SHPRH: variants seen among roughly 807,000 people sequenced by gnomAD.
SHPRH encodes E3 ubiquitin-protein ligase SHPRH.
A neutral mutation model predicts 202.5 loss-of-function variants in SHPRH; 106 were observed. That is an observed-to-expected ratio of 0.52 (90% CI 0.45 to 0.62). The LOEUF (loss-of-function observed/expected upper bound fraction) is 0.62, where lower values mean the gene tolerates loss of function less well. SHPRH is among the 20% of genes least tolerant of loss of function. The pLI is 0.00. For synonymous variants in SHPRH, 729 were observed against 686.0 expected (o/e 1.06, Z -0.98); for missense variants, 1,710 against 2,020.0 (o/e 0.85, Z 2.94).
At chr6:145,954,598 G>T in intron 2 of SHPRH, 92 bp downstream of exon 2, 14 of 1,338,320 alleles carry the variant, frequency 1.0e-5, no homozygotes, top group Non-Finnish European at 1.2e-5. Context: ...AAGGCTTATT[G>T]CTGGCTTTTC....
chr6:145,950,340 A>G lies in SHPRH; in HGVS notation c.906T>C (p.Pro302=), dbSNP rs6900607. Reference sequence around the variant, plus strand: ...CCTCTCTTTGGTAGGGTCTCAACACAGGGATCAATGCAGGATGCTGGACAT... The same window carrying G: ...CCTCTCTTTGGTAGGGTCTCAACACGGGGATCAATGCAGGATGCTGGACAT... ...QVDVQHPALI[P]VLRPYQREAV... Residue 302 remains proline, a synonymous_variant, in exon 4 of 30, where the codon CCT becomes CCC. Transcript: ENST00000275233. The G allele has an allele frequency of 0.016, 25,313 of 1,613,110 alleles. 3,133 individuals carry two copies. The African/African-American group carries it at 0.28, about 18-fold the overall frequency.
chr6:145,864,461 A>G (rs1779680636), exon 3 of SHPRH: 1 of 317,688 alleles, frequency 3.1e-6, no homozygotes. Context: ...TGATGTCATG[A>G]AAACAAAATA....
downstream of SHPRH, among the ~76,000 whole-genome samples, chr6:145,881,925 G>A (rs1033108190): frequency 6.6e-6 from 1 of 152,112 alleles, no homozygotes; most frequent in Non-Finnish European, 1.5e-5. Flanking sequence ...GCAACATAGC[G>A]AAACGCTGTC....
chr6:145,867,670 A>AGG (rs1779861549), intron 2 of SHPRH, among the ~76,000 whole-genome samples: 1 of 134,880 alleles, frequency 7.4e-6, no homozygotes, highest in Non-Finnish European at 1.6e-5. Context: ...AGAGAGAGAG[A>AGG]GAGGTGAAGG....
Position 145,910,431 on chromosome 6 carries a change from T to A in SHPRH, c.4515+17A>T, listed in dbSNP as rs1232672145. On this transcript the variant is annotated intron_variant, in intron 25 of 29. Transcript: ENST00000275233. Reference sequence around the variant, plus strand: ...ATTGCCTTACCTATGCTTCTATGTGTTCCTGACCTACTTTACCTTCACAGG... The same window carrying A: ...ATTGCCTTACCTATGCTTCTATGTGATCCTGACCTACTTTACCTTCACAGG... 1 of 1,612,266 alleles carries A rather than the reference T, an allele frequency of 6.2e-7. No individual in the cohort carries two copies. The highest frequency in any genetic ancestry group is 8.5e-7 in the Non-Finnish European group (1 of 1,178,914).
chr6:145,888,315 G>A (rs908011670), intron 28 of SHPRH, among the ~76,000 whole-genome samples: 1 of 151,968 alleles, frequency 6.6e-6, no homozygotes, highest in Non-Finnish European at 1.5e-5. Flanking sequence ...AGAGTAAGAC[G>A]GTTTCAGGTA....
Position 145,948,392 on chromosome 6 carries a change from C to T in SHPRH, c.983-42G>A, listed in dbSNP as rs914595999. The T allele has an allele frequency of 2.7e-6, 4 of 1,477,598 alleles. No homozygotes were observed. The African/African-American group carries it at 4.2e-5, about 16-fold the overall frequency. The allele number at this position is 1,477,598 out of a possible 1,614,324, so 91.5% of individuals were successfully genotyped here. ...TCATAATAACAAATTTTTGTTTTCC[C>T]TTCAGTCAGATAATCACATTAAAAA... On this transcript the variant is annotated intron_variant, in intron 4 of 29. Coordinates refer to ENST00000275233, the MANE Select transcript of SHPRH (RefSeq NM_001042683.3).
intron 4 of SHPRH, 141 bp downstream of exon 4, chr6:145,950,123 T>C: frequency 4.8e-6 from 3 of 619,656 alleles, no homozygotes; most frequent in Non-Finnish European, 7.7e-6. Context: ...TTAAAGAATT[T>C]CTTAGAAAAT....
At position 145,893,245 on chromosome 6, in the gene SHPRH, A is replaced by G. The variant is rs1411238089; in HGVS notation, c.4844T>C (p.Ile1615Thr). The G allele has an allele frequency of 6.3e-7, 1 of 1,579,538 alleles. No homozygotes were observed. The highest frequency in any genetic ancestry group is 1.7e-4 in the Middle Eastern group (1 of 5,926). ...CTGTCCAATTCGGTGCACCCTCCCT[A>G]TGGCCTGAAGCTCATGGGCAGGGTT... ...ILNPAHELQA[I>T]GRVHRIGQTK... The change falls in exon 28 of 30, where the codon ATA becomes ACA. Residue 1615 changes from isoleucine to threonine, a missense_variant. This residue lies in a region of SHPRH where 306 missense variants were observed against 479.5 expected (regional missense o/e 0.64). Transcript: ENST00000275233.
In SHPRH at chr6:145,958,169, G is replaced by A. The variant is rs773807782; in HGVS notation, c.-32-2815C>T. On this transcript the variant is annotated intron_variant, in intron 1 of 29. Transcript: ENST00000275233. ...TACCAGGGGCAAGGAAGTATAAAGA[G>A]GTGACTGACAGTAAAGGAGCAGGAA... is the stretch of plus-strand genomic sequence containing the variant. Among the ~76,000 whole-genome samples the A allele has an allele frequency of 2.6e-5, 4 of 152,104 alleles. No homozygotes were observed. The East Asian group carries it at 7.7e-4, about 29-fold the overall frequency.
the SHPRH span, among the ~76,000 whole-genome samples, chr6:145,858,552 G>T: frequency 6.6e-6 from 1 of 151,918 alleles, no homozygotes; most frequent in Admixed American, 6.6e-5. Context: ...TTGGGAAGAG[G>T]GGAATGAGTA....
chr6:145,952,991 C>T (rs897916432), intron 2 of SHPRH, among the ~76,000 whole-genome samples: 2 of 152,030 alleles, frequency 1.3e-5, no homozygotes, highest in African/African-American at 4.8e-5. Context: ...AGTTGAAAGA[C>T]TTGATTTTGA....
chr6:145,936,945 C>A (rs1464231026), intron 11 of SHPRH, among the ~76,000 whole-genome samples: 1 of 150,070 alleles, frequency 6.7e-6, no homozygotes, highest in African/African-American at 2.4e-5. Flanking sequence ...GCCGAAATCT[C>A]AAATTCATAA....
At chr6:145,899,910 G>A (rs189391959) in intron 25 of SHPRH, among the ~76,000 whole-genome samples, 2 of 152,044 alleles carry the variant, frequency 1.3e-5, no homozygotes, top group South Asian at 2.1e-4. Flanking sequence ...GGTGCTCAAC[G>A]ACCCTAATCA....
intron 24 of SHPRH, among the ~76,000 whole-genome samples, chr6:145,911,334 C>T (rs1562310753): frequency 6.6e-6 from 1 of 152,024 alleles, no homozygotes; most frequent in Non-Finnish European, 1.5e-5. Flanking sequence ...AGGGGTTTCA[C>T]CACACTGACC....
Position 145,934,764 on chromosome 6 carries a change from T to C in SHPRH, c.2990+143A>G, listed in dbSNP as rs1342282312. ...AATTCTGGTAATTCTCCGTTGCAAA[T>C]GAGCTTCCATACCAAAGAAAACCCT... is the stretch of plus-strand genomic sequence containing the variant. On this transcript the variant is annotated intron_variant, in intron 13 of 29. Coordinates refer to ENST00000275233, the MANE Select transcript of SHPRH (RefSeq NM_001042683.3). 5.7e-6 allele frequency: 4 copies of C among 704,944 alleles called. No homozygotes were observed. In the African/African-American group the frequency reaches 7.2e-5, roughly 13 times the overall value. 43.7% of individuals were successfully genotyped at this position (704,944 alleles called of 1,614,324 possible). A position where few individuals can be genotyped will look rare whatever the true frequency, so the allele number is the denominator to read the frequency against.
intron 12 of SHPRH, 37 bp downstream of exon 12, chr6:145,935,241 T>A: frequency 6.2e-7 from 1 of 1,610,086 alleles, no homozygotes; most frequent in South Asian, 1.1e-5. Context: ...TCTTTTCTCT[T>A]ATAGTACCTT....
intron 23 of SHPRH, chr6:145,917,453 C>T (rs530524065): frequency 1.3e-5 from 2 of 152,206 alleles, no homozygotes; most frequent in East Asian, 1.9e-4. Context: ...TTCATTTTGT[C>T]TGAGATTTAC....
intron 16 of SHPRH, among the ~76,000 whole-genome samples, chr6:145,925,368 A>ACACACACACACACACATG (rs909521842): frequency 6.6e-6 from 1 of 151,250 alleles, no homozygotes; most frequent in Admixed American, 6.7e-5. Context: ...ACACACACAC[A>ACACACACACACACACATG]CATGCATGCA....
Sources: allele counts gnomAD v4.1 joint callset (sites outside exome capture counted in the v4.1 genomes callset), GRCh38; gene constraint gnomAD v4.1.1; regional missense constraint gnomAD v4.1.1; transcripts MANE v1.5; gene names NCBI Gene and HGNC (gene_info 2026-07-23, HGNC 2026-07-21).